The following RYR3 variants were observed in gnomAD, a reference collection of about 807,000 sequenced individuals.
RYR3 encodes the protein brain ryanodine receptor-calcium release channel.
RYR3 carries 207 observed loss-of-function variants against 584.3 expected under a neutral mutation model. That is an observed-to-expected ratio of 0.35 (90% CI 0.32 to 0.40). The LOEUF (loss-of-function observed/expected upper bound fraction) is 0.40. Ranked by LOEUF, RYR3 falls within the 10% of genes least tolerant of loss-of-function variation. The pLI is 1.00. For synonymous variants in RYR3, 2,416 were observed against 2,248.5 expected, an observed-to-expected ratio of 1.07 and a Z score of -2.11; for missense variants, 5,616 against 6,089.2, an observed-to-expected ratio of 0.92 and a Z score of 2.59.
chr15:33,639,798 A>C (rs2061695835), intron 27 of RYR3, among the ~76,000 whole-genome samples: 2 of 152,224 alleles, frequency 1.3e-5, no homozygotes, highest in Admixed American at 6.5e-5. Context: ...CTGCTTCATT[A>C]GAATTTTCTA....
intron 3 of RYR3, among the ~76,000 whole-genome samples, chr15:33,515,074 ATG>A (rs1567419862): frequency 6.6e-6 from 1 of 152,178 alleles, no homozygotes; most frequent in Non-Finnish European, 1.5e-5. Flanking sequence ...TTCAGAATAC[ATG>A]TGATAATTTA....
In RYR3 at chr15:33,838,577, C is replaced by T. The variant is rs748677284; in HGVS notation, c.12597C>T (p.Leu4199=). 3 of 1,613,964 alleles carry T rather than the reference C, an allele frequency of 1.9e-6. No homozygotes were observed. The highest frequency in any genetic ancestry group is 2.2e-5 in the South Asian group (2 of 91,076). The change falls in exon 89 of 104, where the codon CTC becomes CTT. Residue 4199 remains leucine (L), a synonymous_variant. Coordinates refer to ENST00000634891, the MANE Select transcript of RYR3 (RefSeq NM_001036.6). Reference sequence around the variant, plus strand: ...TGTTCGTGGGGCTATTCCAGTTGCTCTTCACCATCCTGGGAGGAATCTTTC... The same window carrying T: ...TGTTCGTGGGGCTATTCCAGTTGCTTTTCACCATCCTGGGAGGAATCTTTC... ...WMLFVGLFQL[L]FTILGGIFQI... is the part of the protein sequence containing the mutation.
At chr15:33,470,917 G>GAT (rs2048871910) in intron 1 of RYR3, among the ~76,000 whole-genome samples, 1 of 152,040 alleles carries the variant, frequency 6.6e-6, no homozygotes, top group Admixed American at 6.6e-5. Context: ...AAGGAGGGAG[G>GAT]ATAATTCTAG....
intron 65 of RYR3, among the ~76,000 whole-genome samples, chr15:33,782,699 G>A (rs1038655872): frequency 2.0e-5 from 3 of 152,184 alleles, no homozygotes; most frequent in Admixed American, 6.5e-5. Flanking sequence ...TAGAAATACA[G>A]TATGAACTGA....
chr15:33,601,092 A>G (rs1313606516), intron 16 of RYR3, among the ~76,000 whole-genome samples: 1 of 152,138 alleles, frequency 6.6e-6, no homozygotes, highest in Non-Finnish European at 1.5e-5. Context: ...ATATTGTCTT[A>G]GACAGTCTGT....
chr15:33,356,956 G>A (rs1191715597), intron 1 of RYR3, among the ~76,000 whole-genome samples: 1 of 152,164 alleles, frequency 6.6e-6, no homozygotes, highest in African/African-American at 2.4e-5. Flanking sequence ...TCTTTGGAAA[G>A]GAGTGATTCC....
chr15:33,331,560 TG>T (rs1970382185), intron 1 of RYR3, among the ~76,000 whole-genome samples: 1 of 152,218 alleles, frequency 6.6e-6, no homozygotes, highest in East Asian at 1.9e-4. Context: ...AATGTATACA[TG>T]AAATACATAT....
chr15:33,563,953 G>A (rs889025136), intron 11 of RYR3, among the ~76,000 whole-genome samples: 4 of 152,086 alleles, frequency 2.6e-5, no homozygotes, highest in African/African-American at 4.8e-5. Flanking sequence ...GAAAACAACC[G>A]CAAAGGCTGG....
Position 33,439,196 on chromosome 15 carries a change from G to A in RYR3, c.52-34223G>A, listed in dbSNP as rs1214984258. On this transcript the variant is annotated intron_variant, in intron 1 of 103. Transcript: ENST00000634891. ...TGTTGATCTTGGAACTAGCCATCTT[G>A]TAAAATTCTTAATATTTTATCTTTG... Among the ~76,000 whole-genome samples, 3 of 152,052 alleles carry A rather than the reference G, an allele frequency of 2.0e-5. No homozygotes were observed. In the East Asian group the frequency reaches 5.8e-4, roughly 29 times the overall value.
rs772570195 is a variant in RYR3, at chr15:33,412,630, A to G, written c.52-60789A>G. ...GGGACTCAGGCCTCTTTCTGCAGCA[A>G]TGGAGACCAGGCCCAGTATTGGAGA... On this transcript the variant is annotated intron_variant, in intron 1 of 103. Coordinates refer to ENST00000634891, the MANE Select transcript of RYR3 (RefSeq NM_001036.6). This position sits in a 1 kb window ranked among gnomAD's most constrained non-coding sequence, Gnocchi z 4.3. 7.2e-5 allele frequency among the ~76,000 whole-genome samples: 11 copies of G among 152,054 alleles called. No individual in the cohort carries two copies. Among genetic ancestry groups the G allele is most frequent in the African/African-American group, 2.2e-4 (9 of 41,384 alleles).
At chr15:33,626,990 C>T (rs561691494) in intron 20 of RYR3, among the ~76,000 whole-genome samples, 1 of 152,132 alleles carries the variant, frequency 6.6e-6, no homozygotes, top group Non-Finnish European at 1.5e-5. Flanking sequence ...ACACAGAGTC[C>T]TCACTGGGAC....
chr15:33,594,617 G>GT (rs1267155941), intron 16 of RYR3, among the ~76,000 whole-genome samples: 4 of 152,166 alleles, frequency 2.6e-5, no homozygotes, highest in Non-Finnish European at 5.9e-5. Context: ...AGTTCTGAAA[G>GT]TTTTTTCCTT....
At chr15:33,658,096 C>T (rs1205160728) in intron 32 of RYR3, among the ~76,000 whole-genome samples, 1 of 152,194 alleles carries the variant, frequency 6.6e-6, no homozygotes, top group African/African-American at 2.4e-5. Context: ...TTTATTAGCC[C>T]ATGATTTCTA....
chr15:33,564,074 C>T (rs992054059), intron 11 of RYR3, among the ~76,000 whole-genome samples: 6 of 152,196 alleles, frequency 3.9e-5, no homozygotes, highest in African/African-American at 1.4e-4. Context: ...CCACCTTGAT[C>T]TTTGTTTTCT....
At chr15:33,359,717 C>A (rs1045263660) in intron 1 of RYR3, among the ~76,000 whole-genome samples, 2 of 152,014 alleles carry the variant, frequency 1.3e-5, no homozygotes, top group Admixed American at 1.3e-4. Flanking sequence ...CTCCTGGGTT[C>A]ACGCCATTCT....
chr15:33,333,795 C>T (rs1970645030), intron 1 of RYR3, among the ~76,000 whole-genome samples: 1 of 152,112 alleles, frequency 6.6e-6, no homozygotes, highest in South Asian at 2.1e-4. Context: ...CTAGAAAACC[C>T]CATAATCTCA....
chr15:33,338,744 A>G (rs1971447660), intron 1 of RYR3, among the ~76,000 whole-genome samples: 1 of 152,162 alleles, frequency 6.6e-6, no homozygotes, highest in Non-Finnish European at 1.5e-5. Context: ...TTCCTTTCAC[A>G]TACATATATT....
In RYR3 at chr15:33,722,891, G is replaced by A. The variant is rs2068053240; in HGVS notation, c.6796G>A (p.Glu2266Lys). Residue 2266 changes from glutamate to lysine, a missense_variant, in exon 44 of 104, where the codon GAA becomes AAA. Physicochemically the swap from Glu to Lys is moderately conservative, Grantham distance 56. Around this residue, in one of 9 missense-constraint regions of RYR3, gnomAD observed 1,280 missense variants for 1,426.2 expected, o/e 0.90. Coordinates refer to ENST00000634891, the MANE Select transcript of RYR3 (RefSeq NM_001036.6). Reference sequence around the variant, plus strand: ...CCTCCCCTCTCAAGGATACAAAAGAGAAGTGTAAGTGAATGGAATTCCCTT... The same window carrying A: ...CCTCCCCTCTCAAGGATACAAAAGAAAAGTGTAAGTGAATGGAATTCCCTT... ...LDLPSQGYKR[E>K]VSTGDDEEEE... The A allele has an allele frequency of 6.4e-7, 1 of 1,572,392 alleles. No homozygotes were observed. Among genetic ancestry groups the A allele is most frequent in the Admixed American group, 2.0e-5 (1 of 49,548 alleles).
intron 42 of RYR3, 124 bp from the exon 43 acceptor site, chr15:33,706,795 C>A: frequency 2.4e-6 from 2 of 828,986 alleles, no homozygotes; most frequent in Non-Finnish European, 3.8e-6. Context: ...TACATTCTCA[C>A]CAGCAATGCA....
Sources: allele counts gnomAD v4.1 joint callset (sites outside exome capture counted in the v4.1 genomes callset), GRCh38; gene constraint gnomAD v4.1.1; regional missense constraint gnomAD v4.1.1; non-coding constraint Gnocchi (gnomAD v3.1); transcripts MANE v1.5; gene names NCBI Gene and HGNC (gene_info 2026-07-23, HGNC 2026-07-21).